The following PITPNM3 variants were observed in gnomAD, a reference collection of about 807,000 sequenced individuals.
PITPNM3 encodes PITPNM family member 3.
PITPNM3 carries 26 observed loss-of-function variants against 102.0 expected under a neutral mutation model. The observed-to-expected ratio is 0.25, with a 90% CI of 0.19 to 0.35. The LOEUF is 0.35. Among genes scored for constraint, PITPNM3 ranks in the 10% least tolerant of loss-of-function variants. The pLI is 1.00. For synonymous variants in PITPNM3, 578 were observed against 558.6 expected (o/e 1.03, Z -0.49); for missense variants, 1,083 against 1,346.1 (o/e 0.80, Z 3.06).
chr17:6,505,205 T>TATATATATATATAC (rs141377277), intron 3 of PITPNM3, among the ~76,000 whole-genome samples: 2 of 148,774 alleles, frequency 1.3e-5, no homozygotes, highest in Admixed American at 6.7e-5. Context: ...AATATATATA[T>TATATATATATATAC]ATATATATAT....
Position 6,482,056 on chromosome 17 carries a change from CTCTCTCTCTG to C in PITPNM3, c.587+1451_587+1460del, listed in dbSNP as rs1567670435. ...TCTCTGTCTGTCTCTCTCTCTCTCT[CTCTCTCTCTG>C]TCTCTCTCTCTCTCTCTCTCTGACA... On this transcript the variant is annotated intron_variant, in intron 6 of 19. Transcript: ENST00000262483. Among the ~76,000 whole-genome samples, 41 of 112,812 alleles carry C rather than the reference CTCTCTCTCTG, an allele frequency of 3.6e-4. 4 individuals carry two copies. Among genetic ancestry groups the C allele is most frequent in the South Asian group, 5.6e-4 (2 of 3,594 alleles). The allele number at this position is 112,812 out of a possible 152,430, so 74.0% of individuals were successfully genotyped here. A position where few individuals can be genotyped will look rare whatever the true frequency, so the allele number is the denominator to read the frequency against.
chr17:6,463,967 A>T, intron 16 of PITPNM3, 86 bp from the exon 17 acceptor site: 8 of 1,581,322 alleles, frequency 5.1e-6, no homozygotes, highest in Non-Finnish European at 6.9e-6. Context: ...CTGCAGTCAG[A>T]GCTCAGTCTG....
chr17:6,527,689 A>G (rs1394349114), intron 2 of PITPNM3, among the ~76,000 whole-genome samples: 1 of 152,220 alleles, frequency 6.6e-6, no homozygotes, highest in African/African-American at 2.4e-5. Flanking sequence ...CTAGCATTCA[A>G]TCTACGGTGA....
rs552385514 is a variant in PITPNM3 at position 6,552,340 on chromosome 17, G to A, written c.22+4045C>T. 2.6e-3 allele frequency among the ~76,000 whole-genome samples: 401 copies of A among 152,238 alleles called. 2 individuals carry two copies. Among genetic ancestry groups the A allele is most frequent in the African/African-American group, 9.1e-3 (377 of 41,548 alleles). ...CCCCCTACCCTCATTCTCTCAGTGG[G>A]AGAGAGGGGCAGCCTGTTGGGGTGC... On this transcript the variant is annotated intron_variant, in intron 1 of 19. Transcript: ENST00000262483.
chr17:6,485,093 C>A (rs1905995396), intron 4 of PITPNM3, among the ~76,000 whole-genome samples: 1 of 152,134 alleles, frequency 6.6e-6, no homozygotes, highest in Non-Finnish European at 1.5e-5. Context: ...AACCTCTCAG[C>A]CTCCATCATC....
chr17:6,523,765 G>C (rs539530991), intron 3 of PITPNM3, among the ~76,000 whole-genome samples: 28 of 152,218 alleles, frequency 1.8e-4, no homozygotes, highest in Admixed American at 1.4e-3. Context: ...ATGACGACTG[G>C]TAAGTTGTCT....
chr17:6,544,623 GTGTC>G (rs1567696648), intron 1 of PITPNM3, among the ~76,000 whole-genome samples: 2 of 95,572 alleles, frequency 2.1e-5, no homozygotes, highest in African/African-American at 9.5e-5. Context: ...CATTTGAATG[GTGTC>G]TCTCTCTCTC....
chr17:6,462,646 T>C (rs933336216), intron 17 of PITPNM3, among the ~76,000 whole-genome samples: 2 of 152,194 alleles, frequency 1.3e-5, no homozygotes, highest in African/African-American at 4.8e-5. Flanking sequence ...GGCTGCAAGA[T>C]GTCAGGTAAG....
intron 4 of PITPNM3, among the ~76,000 whole-genome samples, chr17:6,497,634 G>A (rs1196549225): frequency 6.6e-6 from 1 of 152,208 alleles, no homozygotes; most frequent in Non-Finnish European, 1.5e-5. Context: ...ACGTGGCTGT[G>A]GGAAGACCCT....
At chr17:6,506,379 CTTT>C (rs55749537) in intron 3 of PITPNM3, among the ~76,000 whole-genome samples, 52 of 140,648 alleles carry the variant, frequency 3.7e-4, no homozygotes, top group Admixed American at 5.0e-4. Context: ...TCCTTTCTCT[CTTT>C]TTTTTTTTTT....
At chr17:6,473,550 C>T (rs1905159641) in intron 10 of PITPNM3, among the ~76,000 whole-genome samples, 2 of 152,192 alleles carry the variant, frequency 1.3e-5, no homozygotes, top group Non-Finnish European at 1.5e-5. Flanking sequence ...TGTGGATACC[C>T]AAGGTGCCCT....
intron 4 of PITPNM3, among the ~76,000 whole-genome samples, chr17:6,495,481 C>T (rs1053860831): frequency 6.6e-5 from 10 of 152,132 alleles, no homozygotes; most frequent in Admixed American, 5.9e-4. Context: ...GTCTTCTATA[C>T]GGGTCCCTTC....
In PITPNM3 at chr17:6,471,148, G is replaced by A. The variant is rs1905049238; in HGVS notation, c.1624+13C>T. The A allele has an allele frequency of 1.2e-6, 2 of 1,611,628 alleles. No individual in the cohort carries two copies. The highest frequency in any genetic ancestry group is 1.3e-5 in the African/African-American group (1 of 74,862). ...CCCGAATCCAGGCAGGGCCCCAAAA[G>A]GACCTCACTCACTGCGGGAGGCACC... On this transcript the variant is annotated intron_variant, in intron 12 of 19. Coordinates refer to ENST00000262483, the MANE Select transcript of PITPNM3 (RefSeq NM_031220.4).
chr17:6,508,585 G>A (rs1461081489), intron 3 of PITPNM3, among the ~76,000 whole-genome samples: 1 of 152,164 alleles, frequency 6.6e-6, no homozygotes, highest in African/African-American at 2.4e-5. Context: ...ACAGTCAGGG[G>A]CTGAGGGGTG....
intron 1 of PITPNM3, among the ~76,000 whole-genome samples, chr17:6,552,045 T>G (rs972033763): frequency 6.6e-6 from 1 of 152,038 alleles, no homozygotes; most frequent in Non-Finnish European, 1.5e-5. Context: ...GGAACATGAG[T>G]ATCGAAATGT....
chr17:6,510,737 A>C (rs1014773419), intron 3 of PITPNM3, among the ~76,000 whole-genome samples: 10 of 152,254 alleles, frequency 6.6e-5, no homozygotes, highest in African/African-American at 2.2e-4. Context: ...CTGTCAGCAG[A>C]GTGGTCCGTG....
chr17:6,468,528 A>G lies in PITPNM3; in HGVS notation c.1774-187T>C, dbSNP rs1461490787. ...CATTCCTGTCCTGATAGCTGGGGCC[A>G]GAGCAGTCTCCCAGCTGGCTCCCTT... On this transcript the variant is annotated intron_variant, in intron 13 of 19. Coordinates refer to ENST00000262483, the MANE Select transcript of PITPNM3 (RefSeq NM_031220.4). This position sits in a 1 kb window ranked among gnomAD's most constrained non-coding sequence, Gnocchi z 5.2. 1.3e-5 allele frequency among the ~76,000 whole-genome samples: 2 copies of G among 152,110 alleles called. No homozygotes were observed. Among genetic ancestry groups the G allele is most frequent in the African/African-American group, 4.8e-5 (2 of 41,430 alleles).
intron 4 of PITPNM3, among the ~76,000 whole-genome samples, chr17:6,498,724 CAG>C (rs1666749955): frequency 6.6e-6 from 1 of 152,056 alleles, no homozygotes; most frequent in African/African-American, 2.4e-5. Context: ...TGGATGGTGA[CAG>C]AGACAGAGAA....
chr17:6,520,758 T>A (rs557568319), intron 3 of PITPNM3, among the ~76,000 whole-genome samples: 2 of 152,296 alleles, frequency 1.3e-5, no homozygotes, highest in East Asian at 3.9e-4. Context: ...GATGAATGGA[T>A]AAACAAAATG....
Sources: allele counts gnomAD v4.1 joint callset (sites outside exome capture counted in the v4.1 genomes callset), GRCh38; gene constraint gnomAD v4.1.1; non-coding constraint Gnocchi (gnomAD v3.1); transcripts MANE v1.5; gene names NCBI Gene and HGNC (gene_info 2026-07-23, HGNC 2026-07-21).